RHOU: variants seen among roughly 807,000 people sequenced by gnomAD.
RHOU encodes rho-related GTP-binding protein RhoU.
RHOU carries 8 observed loss-of-function variants against 12.6 expected under a neutral mutation model. The observed-to-expected ratio is 0.64, with a 90% CI of 0.37 to 1.15. The LOEUF (loss-of-function observed/expected upper bound fraction) is 1.15, where lower values mean the gene tolerates loss of function less well. RHOU is among the 50% of genes most tolerant of loss of function. The pLI, the probability that RHOU is intolerant of heterozygous loss-of-function variation, is 0.01. For missense variants in RHOU, 258 were observed against 347.0 expected, an observed-to-expected ratio of 0.74 and a Z score of 2.04; for synonymous variants, 161 against 147.4, an observed-to-expected ratio of 1.09 and a Z score of -0.67.
the RHOU span, among the ~76,000 whole-genome samples, chr1:228,657,279 CAAAAAAA>C: frequency 1.4e-4 from 4 of 28,032 alleles, no homozygotes; most frequent in Admixed American, 6.2e-4. Context: ...AACTCCATCT[CAAAAAAA>C]AAAAAAAAAA....
At chr1:228,696,453 G>C in the RHOU span, among the ~76,000 whole-genome samples, 2 of 151,966 alleles carry the variant, frequency 1.3e-5, no homozygotes, top group Non-Finnish European at 2.9e-5. Context: ...CTCCTTGGAA[G>C]GAAGGTGCTT....
the RHOU span, among the ~76,000 whole-genome samples, chr1:228,688,755 T>C: frequency 6.6e-6 from 1 of 152,290 alleles, no homozygotes; most frequent in South Asian, 2.1e-4. Context: ...TTGTCCAAAA[T>C]GGTGCTTTTC....
the RHOU span, among the ~76,000 whole-genome samples, chr1:228,707,119 T>TAC: frequency 6.6e-5 from 6 of 90,618 alleles, 1 homozygote; most frequent in African/African-American, 3.0e-4. Context: ...TATATATATA[T>TAC]ATATATACAT....
chr1:228,695,380 ACAAT>A, the RHOU span, among the ~76,000 whole-genome samples: 1 of 152,144 alleles, frequency 6.6e-6, no homozygotes, highest in East Asian at 1.9e-4. Context: ...ATACCAGCAA[ACAAT>A]CAATTCTGTA....
the RHOU span, among the ~76,000 whole-genome samples, chr1:228,683,210 C>A: frequency 0.6 from 91,205 of 152,000 alleles, 30,096 homozygotes; most frequent in African/African-American, 0.9. Flanking sequence ...CAGCCACTGA[C>A]CTAATCATGG....
At chr1:228,695,546 C>G in the RHOU span, among the ~76,000 whole-genome samples, 1 of 152,220 alleles carries the variant, frequency 6.6e-6, no homozygotes, top group Admixed American at 6.5e-5. Flanking sequence ...ACCTGTGTTT[C>G]TATGACTTGG....
chr1:228,659,245 G>A, the RHOU span, among the ~76,000 whole-genome samples: 2 of 152,082 alleles, frequency 1.3e-5, no homozygotes, highest in African/African-American at 2.4e-5. Flanking sequence ...GGGCATGGTG[G>A]CAGGTGCCTG....
the RHOU span, among the ~76,000 whole-genome samples, chr1:228,683,736 C>A: frequency 6.6e-6 from 1 of 152,162 alleles, no homozygotes; most frequent in Non-Finnish European, 1.5e-5. Context: ...TTATTCTGAG[C>A]CAATATGAGT....
At chr1:228,663,079 T>C in the RHOU span, among the ~76,000 whole-genome samples, 4 of 152,178 alleles carry the variant, frequency 2.6e-5, no homozygotes, top group Admixed American at 6.5e-5. Context: ...TTGAGAAAAA[T>C]AAAAAGAATG....
At chr1:228,672,006 G>A in the RHOU span, among the ~76,000 whole-genome samples, 1 of 152,216 alleles carries the variant, frequency 6.6e-6, no homozygotes, top group Admixed American at 6.5e-5. Flanking sequence ...CCATGTTTAT[G>A]TAAGTGTGCA....
chr1:228,655,197 T>C, the RHOU span, among the ~76,000 whole-genome samples: 1 of 151,454 alleles, frequency 6.6e-6, no homozygotes, highest in African/African-American at 2.4e-5. Context: ...CTCCGCCTCA[T>C]GAGTTCAAGC....
At chr1:228,675,104 C>T in the RHOU span, among the ~76,000 whole-genome samples, 1 of 152,122 alleles carries the variant, frequency 6.6e-6, no homozygotes, top group Non-Finnish European at 1.5e-5. Flanking sequence ...GATTGATATG[C>T]TTGCATGTGA....
the RHOU span, among the ~76,000 whole-genome samples, chr1:228,646,818 G>A: frequency 6.6e-6 from 1 of 151,774 alleles, no homozygotes; most frequent in Non-Finnish European, 1.5e-5. Flanking sequence ...ACACACACAC[G>A]GTGAAACACA....
At chr1:228,687,269 A>G in the RHOU span, 5,882 of 622,994 alleles carry the variant, frequency 9.4e-3, 47 homozygotes, top group Non-Finnish European at 0.012. Context: ...TCTTCTCTCT[A>G]TTCCCCAGTT....
the RHOU span, among the ~76,000 whole-genome samples, chr1:228,709,251 G>A: frequency 3.3e-5 from 5 of 149,282 alleles, no homozygotes; most frequent in Admixed American, 6.7e-5. Flanking sequence ...ACAGATCAAC[G>A]AGACAGAAAG....
At chr1:228,721,817 T>C in the RHOU span, among the ~76,000 whole-genome samples, 1 of 152,014 alleles carries the variant, frequency 6.6e-6, no homozygotes, top group Non-Finnish European at 1.5e-5. Flanking sequence ...TGCACTAATT[T>C]TGTATTTTGT....
chr1:228,670,729 G>T, the RHOU span, among the ~76,000 whole-genome samples: 3 of 152,164 alleles, frequency 2.0e-5, no homozygotes, highest in Non-Finnish European at 4.4e-5. Flanking sequence ...GCAGAGGCCT[G>T]GTGGGAGGTG....
chr1:228,719,127 A>G, the RHOU span, among the ~76,000 whole-genome samples: 1 of 152,150 alleles, frequency 6.6e-6, no homozygotes, highest in African/African-American at 2.4e-5. Context: ...CCATGTCAAT[A>G]TTTGGTTACA....
the RHOU span, among the ~76,000 whole-genome samples, chr1:228,673,193 C>T: frequency 1.3e-5 from 2 of 152,192 alleles, no homozygotes; most frequent in East Asian, 1.9e-4. Flanking sequence ...CATCTGATCA[C>T]TTTTCCTAAT....
Sources: allele counts gnomAD v4.1 joint callset (sites outside exome capture counted in the v4.1 genomes callset), GRCh38; gene constraint gnomAD v4.1.1; transcripts MANE v1.5; gene names NCBI Gene and HGNC (gene_info 2026-07-23, HGNC 2026-07-21).